Variants in GPC6 observed in about 807,000 individuals in gnomAD.
The protein encoded by GPC6 is glypican-6.
A neutral mutation model predicts 55.2 loss-of-function variants in GPC6; 14 were observed. That is an observed-to-expected ratio of 0.25 (90% CI 0.17 to 0.40). GPC6 has a LOEUF of 0.40. Ranked by LOEUF, GPC6 falls within the 10% of genes least tolerant of loss-of-function variation. The pLI is 1.00. For synonymous variants in GPC6, 278 were observed against 259.6 expected, an observed-to-expected ratio of 1.07 and a Z score of -0.68; for missense variants, 641 against 708.5, an observed-to-expected ratio of 0.90 and a Z score of 1.08.
At chr13:94,033,502 G>A (rs910704188) in intron 4 of GPC6, among the ~76,000 whole-genome samples, 2 of 152,114 alleles carry the variant, frequency 1.3e-5, no homozygotes, top group Non-Finnish European at 2.9e-5. Context: ...AACATTTATT[G>A]TTTCTACTGA....
intron 2 of GPC6, among the ~76,000 whole-genome samples, chr13:93,604,320 A>T (rs569832484): frequency 6.6e-6 from 1 of 152,172 alleles, no homozygotes; most frequent in Non-Finnish European, 1.5e-5. Flanking sequence ...ACAGATAGCT[A>T]TTGAGCTTCT....
chr13:93,648,958 T>G (rs557618473), intron 2 of GPC6, among the ~76,000 whole-genome samples: 5 of 152,328 alleles, frequency 3.3e-5, no homozygotes, highest in African/African-American at 1.2e-4. Flanking sequence ...TAAATGATTT[T>G]TCTTTGACCC....
rs149850356 is a variant in GPC6 at position 93,536,460 on chromosome 13, G to A, written c.161-8803G>A. On this transcript the variant is annotated intron_variant, in intron 1 of 8. Coordinates refer to ENST00000377047, the MANE Select transcript of GPC6 (RefSeq NM_005708.5). ...CTGTCTGCATGATTTCGACTACTTC[G>A]GGCACCTCATATAAGTGGAATCATG... 1.9e-3 allele frequency among the ~76,000 whole-genome samples: 285 copies of A among 152,104 alleles called. 2 individuals are homozygous for A. Among genetic ancestry groups the A allele is most frequent in the Middle Eastern group, 6.8e-3 (2 of 292 alleles).
At chr13:94,370,842 TA>T (rs1372352299) in intron 6 of GPC6, among the ~76,000 whole-genome samples, 1 of 152,214 alleles carries the variant, frequency 6.6e-6, no homozygotes, top group Non-Finnish European at 1.5e-5. Flanking sequence ...GAAATTTACA[TA>T]AAAACAGAAA....
chr13:94,110,602 CTA>C (rs1173646744), intron 4 of GPC6, among the ~76,000 whole-genome samples: 1 of 151,758 alleles, frequency 6.6e-6, no homozygotes, highest in East Asian at 1.9e-4. Context: ...GTGTATGTGG[CTA>C]TGTTAGGTGA....
Position 93,787,895 on chromosome 13 carries a change from A to G in GPC6, c.320-42259A>G, listed in dbSNP as rs149609285. Among the ~76,000 whole-genome samples, 499 of 152,268 alleles carry G rather than the reference A, an allele frequency of 3.3e-3. 6 individuals are homozygous for G. The highest frequency in any genetic ancestry group is 4.5e-3 in the Admixed American group (69 of 15,288). On this transcript the variant is annotated intron_variant, in intron 2 of 8. Coordinates refer to ENST00000377047, the MANE Select transcript of GPC6 (RefSeq NM_005708.5). ...GAAACCAGGACAGTCACTTGTCCCA[A>G]CTCAAGTTATGAACAGTGCCTAATT... is the stretch of plus-strand genomic sequence containing the variant.
At chr13:93,305,823 C>A (rs1161854129) in intron 1 of GPC6, among the ~76,000 whole-genome samples, 1 of 152,202 alleles carries the variant, frequency 6.6e-6, no homozygotes, top group African/African-American at 2.4e-5. Flanking sequence ...ATCAAGCAAT[C>A]TGCTTTCCAG....
intron 3 of GPC6, among the ~76,000 whole-genome samples, chr13:93,913,131 A>T (rs1306781676): frequency 6.6e-6 from 1 of 152,196 alleles, no homozygotes; most frequent in Non-Finnish European, 1.5e-5. Context: ...TAGGACTCGG[A>T]CATATCATTT....
chr13:94,296,441 A>G (rs561090339), intron 5 of GPC6, among the ~76,000 whole-genome samples: 6 of 152,210 alleles, frequency 3.9e-5, no homozygotes, highest in East Asian at 1.9e-4. Context: ...GTCTCCTGAA[A>G]AAAAGTCTCC....
At chr13:93,412,652 A>G (rs1165644669) in intron 1 of GPC6, among the ~76,000 whole-genome samples, 2 of 152,188 alleles carry the variant, frequency 1.3e-5, no homozygotes, top group South Asian at 2.1e-4. Flanking sequence ...GTGAGACTCC[A>G]TCTCAAAAAC....
intron 5 of GPC6, among the ~76,000 whole-genome samples, chr13:94,287,190 C>T (rs114351103): frequency 0.018 from 2,816 of 152,240 alleles, 91 homozygotes; most frequent in African/African-American, 0.064. Flanking sequence ...ATCAATCTTT[C>T]TCTCCCATAG....
At chr13:93,434,025 T>A (rs906043634) in intron 1 of GPC6, among the ~76,000 whole-genome samples, 4 of 152,184 alleles carry the variant, frequency 2.6e-5, no homozygotes, top group African/African-American at 9.6e-5. Context: ...GGATAATATG[T>A]ACTATATGAA....
intron 3 of GPC6, among the ~76,000 whole-genome samples, chr13:93,917,867 G>A (rs964046073): frequency 9.2e-5 from 14 of 152,230 alleles, no homozygotes; most frequent in Non-Finnish European, 1.9e-4. Flanking sequence ...GGGAGGCTGA[G>A]GTGGGCGGAT....
intron 2 of GPC6, among the ~76,000 whole-genome samples, chr13:93,771,449 G>A (rs1179959007): frequency 1.3e-5 from 2 of 152,084 alleles, no homozygotes; most frequent in Non-Finnish European, 2.9e-5. Context: ...TGTCTCACAC[G>A]TGTCGGGGAG....
intron 1 of GPC6, among the ~76,000 whole-genome samples, chr13:93,315,556 T>A (rs561167027): frequency 1.3e-5 from 2 of 152,090 alleles, no homozygotes; most frequent in South Asian, 4.1e-4. Context: ...TTTTTTGACT[T>A]TACAAGTAAA....
intron 4 of GPC6, among the ~76,000 whole-genome samples, chr13:94,213,624 C>A (rs1182437403): frequency 6.6e-6 from 1 of 152,134 alleles, no homozygotes; most frequent in East Asian, 1.9e-4. Context: ...GGACTTGCCT[C>A]GGTTCCATGT....
chr13:93,669,318 T>A (rs1881267930), intron 2 of GPC6, among the ~76,000 whole-genome samples: 2 of 152,168 alleles, frequency 1.3e-5, no homozygotes, highest in South Asian at 4.1e-4. Flanking sequence ...ACTTCCTACC[T>A]TGTGAAAAAT....
chr13:93,627,673 G>C (rs1209924328), intron 2 of GPC6, among the ~76,000 whole-genome samples: 1 of 147,870 alleles, frequency 6.8e-6, no homozygotes, highest in East Asian at 1.9e-4. Flanking sequence ...TGGAAATTAA[G>C]CTGCTGTTAT....
At chr13:93,895,796 A>G (rs1395928498) in intron 3 of GPC6, among the ~76,000 whole-genome samples, 1 of 152,066 alleles carries the variant, frequency 6.6e-6, no homozygotes, top group Non-Finnish European at 1.5e-5. Flanking sequence ...GGATGGATTC[A>G]GGTTTGATTT....
Sources: allele counts gnomAD v4.1 joint callset (sites outside exome capture counted in the v4.1 genomes callset), GRCh38; gene constraint gnomAD v4.1.1; transcripts MANE v1.5; gene names NCBI Gene and HGNC (gene_info 2026-07-23, HGNC 2026-07-21).